Variants in RRAGC observed in about 807,000 individuals in gnomAD.
The protein encoded by RRAGC is Ras related GTP binding C.
A neutral mutation model predicts 37.1 loss-of-function variants in RRAGC; 8 were observed. That is an observed-to-expected ratio of 0.22 (90% confidence interval 0.13 to 0.39). The LOEUF is 0.39. RRAGC is among the 10% of genes least tolerant of loss of function. The pLI is 1.00. For synonymous variants in RRAGC, 190 were observed against 181.1 expected (o/e 1.05, Z -0.39); for missense variants, 342 against 497.6 (o/e 0.69, Z 2.98).
At chr1:38,859,348 C>A (rs1642206517) in intron 1 of RRAGC, 62 bp downstream of exon 1, 1 of 1,460,680 alleles carries the variant, frequency 6.8e-7, no homozygotes, top group Non-Finnish European at 9.3e-7. Context: ...TCCCGGGCGT[C>A]CCCGCTACCG....
chr1:38,852,851 T>C (rs550651082), intron 3 of RRAGC, among the ~76,000 whole-genome samples: 1 of 152,266 alleles, frequency 6.6e-6, no homozygotes, highest in Non-Finnish European at 1.5e-5. Context: ...ATGTGACATT[T>C]ATTAAATAAG....
intron 6 of RRAGC, among the ~76,000 whole-genome samples, chr1:38,842,655 C>T (rs1242372703): frequency 1.3e-5 from 2 of 152,174 alleles, no homozygotes; most frequent in East Asian, 3.8e-4. Flanking sequence ...TCTATAAATT[C>T]CACTCCTAAA....
At chr1:38,847,458 ACAC>A (rs1191833240) in intron 5 of RRAGC, 1 of 150,886 alleles carries the variant, frequency 6.6e-6, no homozygotes, top group East Asian at 1.9e-4. Flanking sequence ...ACACACACAC[ACAC>A]AATTTTAAGG....
rs781098568 is a variant in RRAGC, at chr1:38,856,929, C to T, written c.391G>A (p.Glu131Lys). 4 of 1,614,146 alleles carry T rather than the reference C, an allele frequency of 2.5e-6. No individual in the cohort carries two copies. The South Asian group carries it at 4.4e-5, about 18-fold the overall frequency. ...MDFFDPTFDY[E>K]MIFRGTGALI... ...GCTCCTGTTCCCCTGAAGATCATCT[C>T]ATAGTCAAAGGTTGGGTCAAAAAAG... The change falls in exon 2 of 7, where the codon GAG becomes AAG. Residue 131 changes from glutamate to lysine, a missense_variant. Coordinates refer to ENST00000373001, the MANE Select transcript of RRAGC (RefSeq NM_022157.4).
intron 5 of RRAGC, among the ~76,000 whole-genome samples, chr1:38,850,028 A>C (rs1642079854): frequency 6.7e-6 from 1 of 149,382 alleles, no homozygotes; most frequent in South Asian, 2.1e-4. Context: ...AACATGGTGA[A>C]ACCCAATCTC....
intron 6 of RRAGC, among the ~76,000 whole-genome samples, chr1:38,844,276 G>A (rs1256946724): frequency 6.6e-6 from 1 of 152,050 alleles, no homozygotes; most frequent in Non-Finnish European, 1.5e-5. Flanking sequence ...ATATTTAAGA[G>A]AGAACGTCTT....
At chr1:38,856,329 G>A (rs912411663) in intron 2 of RRAGC, among the ~76,000 whole-genome samples, 1 of 152,150 alleles carries the variant, frequency 6.6e-6, no homozygotes, top group African/African-American at 2.4e-5. Context: ...GTACGTGAAG[G>A]CACCCTCTGT....
chr1:38,851,161 C>G (rs1252070282), intron 5 of RRAGC, among the ~76,000 whole-genome samples: 3 of 152,194 alleles, frequency 2.0e-5, no homozygotes, highest in Non-Finnish European at 4.4e-5. Context: ...TTTATAAGTT[C>G]TTCCAACATC....
intron 6 of RRAGC, among the ~76,000 whole-genome samples, chr1:38,841,989 A>G (rs188588948): frequency 6.6e-6 from 1 of 152,292 alleles, no homozygotes; most frequent in Non-Finnish European, 1.5e-5. Context: ...ACAAAAAATT[A>G]GCTGGGGGCG....
At chr1:38,857,810 A>G (rs1420457427) in intron 1 of RRAGC, among the ~76,000 whole-genome samples, 2 of 152,102 alleles carry the variant, frequency 1.3e-5, no homozygotes, top group African/African-American at 4.8e-5. Flanking sequence ...AAATACCAAA[A>G]TTAGTCGGGC....
intron 6 of RRAGC, among the ~76,000 whole-genome samples, chr1:38,841,677 T>A (rs114378809): frequency 0.02 from 2,995 of 150,454 alleles, 105 homozygotes; most frequent in African/African-American, 0.069. Context: ...AAAAAAAAAT[T>A]TTTTTAAGAT....
intron 3 of RRAGC, among the ~76,000 whole-genome samples, chr1:38,854,643 T>C (rs978616818): frequency 2.6e-5 from 4 of 152,202 alleles, no homozygotes; most frequent in Non-Finnish European, 5.9e-5. Context: ...CCTACAAACA[T>C]TGCTGAATTT....
Position 38,859,500 on chromosome 1 carries a change from G to A in RRAGC, c.147C>T (p.Gly49=). Residue 49 remains glycine (G), a synonymous_variant, in exon 1 of 7, where the codon GGC becomes GGT. Transcript: ENST00000373001. ...AAGGGVGAGA[G]GGCGPGGADS... ...CAGCGCCCCCCGGACCACAGCCACC[G>A]CCTGCCCCTGCCCCAACCCCTCCGC... 6.5e-7 allele frequency: 1 copy of A among 1,547,082 alleles called. No individual in the cohort carries two copies. Among genetic ancestry groups the A allele is most frequent in the Non-Finnish European group, 8.7e-7 (1 of 1,146,436 alleles).
At position 38,849,980 on chromosome 1, in the gene RRAGC, G is replaced by GCCACC. The variant is rs1469009876; in HGVS notation, c.899+1634_899+1635insGGTGG. Among the ~76,000 whole-genome samples the GCCACC allele has an allele frequency of 1.7e-3, 262 of 152,220 alleles. 1 individual carries two copies. The highest frequency in any genetic ancestry group is 5.9e-3 in the African/African-American group (246 of 41,536). ...CCAGCGCTTTGGGAGGCCACGGCGG[G>GCCACC]TGGATCACGAGGTCAGGAGTTCGAG... On this transcript the variant is annotated intron_variant, in intron 5 of 6. Transcript: ENST00000373001.
chr1:38,839,707 G>A lies in RRAGC; in HGVS notation c.1049-3C>T. On this transcript the variant is annotated splice_polypyrimidine_tract_variant and splice_region_variant and intron_variant, in intron 6 of 6. Coordinates refer to ENST00000373001, the MANE Select transcript of RRAGC (RefSeq NM_022157.4). ...GTGGAAGTTGTAGTCTATTAAACCT[G>A]CAGGAAGGAAAAAGAAAAGAATGCC... 6.2e-7 allele frequency: 1 copy of A among 1,612,534 alleles called. No individual in the cohort carries two copies. Among genetic ancestry groups the A allele is most frequent in the Non-Finnish European group, 8.5e-7 (1 of 1,179,350 alleles).
rs1200301838 is a variant in RRAGC at position 38,839,782 on chromosome 1, T to C, written c.1049-78A>G. The C allele has an allele frequency of 1.9e-5, 27 of 1,409,072 alleles. No individual in the cohort carries two copies. In the East Asian group the frequency reaches 4.9e-4, roughly 26 times the overall value. 87.3% of individuals were successfully genotyped at this position (1,409,072 alleles called of 1,614,324 possible). ...TTATATTTGGGTTTGCAGCCAAAAA[T>C]AACTCGGATAAACACTGGTTGGAAA... On this transcript the variant is annotated intron_variant, in intron 6 of 6. Transcript: ENST00000373001.
intron 3 of RRAGC, among the ~76,000 whole-genome samples, chr1:38,854,229 G>A (rs950880978): frequency 2.0e-4 from 31 of 151,944 alleles, no homozygotes; most frequent in African/African-American, 6.8e-4. Context: ...CACAATGCCC[G>A]GCTAATTTTT....
At position 38,846,090 on chromosome 1, in the gene RRAGC, A is replaced by T. The variant is rs1416772892; in HGVS notation, c.900-3T>A. 6.2e-7 allele frequency: 1 copy of T among 1,604,646 alleles called. No individual in the cohort carries two copies. The highest frequency in any genetic ancestry group is 1.3e-5 in the African/African-American group (1 of 74,438). ...TTCCACTTCCATCTTCCTTTAACCT[A>T]TTTTAAAAGAAAGTACTATTCATTA... On this transcript the variant is annotated splice_polypyrimidine_tract_variant and splice_region_variant and intron_variant, in intron 5 of 6. Transcript: ENST00000373001.
At chr1:38,858,900 C>T (rs1175884311) in intron 1 of RRAGC, among the ~76,000 whole-genome samples, 1 of 152,220 alleles carries the variant, frequency 6.6e-6, no homozygotes, top group Non-Finnish European at 1.5e-5. Context: ...TACCCAATTC[C>T]CAGTAATGCT....
Sources: gnomAD v4.1 joint callset for allele counts (sites outside exome capture counted in the v4.1 genomes callset) on GRCh38, gnomAD v4.1.1 for gene constraint, MANE v1.5 for transcripts, NCBI Gene and HGNC (gene_info 2026-07-23, HGNC 2026-07-21) for gene names.